Variants in WWC2 observed in about 807,000 individuals in gnomAD.
WWC2 encodes the protein WW and C2 domain containing 2.
Under a neutral mutation model 138.5 loss-of-function variants are expected in WWC2, and 101 were observed. The ratio of observed to expected loss-of-function variants is 0.73; its 90% CI spans 0.62 to 0.86. The LOEUF is 0.86. WWC2 is among the 40% of genes least tolerant of loss of function. WWC2 has a pLI of 0.00. For missense variants in WWC2, 1,420 were observed against 1,419.4 expected (o/e 1.00, Z -0.01); for synonymous variants, 558 against 538.4 (o/e 1.04, Z -0.50).
intron 22 of WWC2, among the ~76,000 whole-genome samples, chr4:183,313,795 C>A (rs988375961): frequency 6.7e-6 from 1 of 150,274 alleles, no homozygotes; most frequent in South Asian, 2.1e-4. Flanking sequence ...GAGCCTGGGG[C>A]AAGAGGGTGG....
intron 9 of WWC2, among the ~76,000 whole-genome samples, chr4:183,254,666 G>T (rs1157838664): frequency 6.6e-6 from 1 of 152,212 alleles, no homozygotes; most frequent in Non-Finnish European, 1.5e-5. Flanking sequence ...ATAAGAGCCT[G>T]GGTCCAGGCC....
chr4:183,148,793 C>T (rs1299867882), intron 1 of WWC2, among the ~76,000 whole-genome samples: 2 of 152,020 alleles, frequency 1.3e-5, no homozygotes, highest in Non-Finnish European at 2.9e-5. Flanking sequence ...CAGGGTGTCC[C>T]GAATGAGTTA....
intron 5 of WWC2, among the ~76,000 whole-genome samples, chr4:183,240,846 G>A (rs754131723): frequency 1.3e-5 from 2 of 152,326 alleles, no homozygotes; most frequent in African/African-American, 2.4e-5. Context: ...TGGCTGGGCC[G>A]TTAGCAGAGC....
At chr4:183,272,017 GGTTAGGTT>G (rs1440196422) in intron 16 of WWC2, among the ~76,000 whole-genome samples, 1 of 151,990 alleles carries the variant, frequency 6.6e-6, no homozygotes, top group Non-Finnish European at 1.5e-5. Context: ...AAAAAATGGG[GGTTAGGTT>G]GTAGCCAGCA....
In WWC2 at chr4:183,289,496, G is replaced by T. The variant is rs139606516; in HGVS notation, c.3245G>T (p.Arg1082Leu). ...CAGGCATCTCTGACCCGGCAGAGCC[G>T]CCTCAATGATGAGCTGCAGGCGCTG... Reference protein sequence around the residue: ...DLQASLTRQSRLNDELQALRD... With the variant: ...DLQASLTRQSLLNDELQALRD... The change falls in exon 21 of 23, where the codon CGC becomes CTC. Residue 1082 changes from arginine to leucine, a missense_variant. Arg to Leu is a moderately radical substitution (Grantham distance 102). Transcript: ENST00000403733. 6.5e-4 allele frequency: 1,056 copies of T among 1,613,710 alleles called. 2 individuals are homozygous for T. The highest frequency in any genetic ancestry group is 8.4e-4 in the Non-Finnish European group (991 of 1,179,832).
intron 1 of WWC2, among the ~76,000 whole-genome samples, chr4:183,170,617 G>C (rs1221586575): frequency 1.3e-5 from 2 of 152,166 alleles, no homozygotes; most frequent in African/African-American, 2.4e-5. Context: ...TTGCATTTCT[G>C]TTGATTTTCA....
chr4:183,136,771 T>G (rs1414919065), intron 1 of WWC2, among the ~76,000 whole-genome samples: 3 of 152,198 alleles, frequency 2.0e-5, no homozygotes, highest in Non-Finnish European at 4.4e-5. Context: ...GTTAGTATAT[T>G]TTATGTATGG....
chr4:183,239,071 T>C (rs545673247), intron 4 of WWC2, among the ~76,000 whole-genome samples: 8 of 152,290 alleles, frequency 5.3e-5, no homozygotes, highest in Admixed American at 3.3e-4. Flanking sequence ...TCCCAGCACT[T>C]TGGGAGGCCG....
chr4:183,147,094 T>C (rs1733483800), intron 1 of WWC2, among the ~76,000 whole-genome samples: 1 of 152,256 alleles, frequency 6.6e-6, no homozygotes, highest in Non-Finnish European at 1.5e-5. Flanking sequence ...ATGTCAATGC[T>C]GCTGGTCCTG....
intron 19 of WWC2, among the ~76,000 whole-genome samples, chr4:183,284,715 C>T (rs1473625730): frequency 6.6e-6 from 1 of 152,162 alleles, no homozygotes; most frequent in Non-Finnish European, 1.5e-5. Context: ...TTTTGAGATA[C>T]ATGTGGTCTG....
chr4:183,206,106 C>A (rs956638175), intron 2 of WWC2, among the ~76,000 whole-genome samples: 3 of 152,034 alleles, frequency 2.0e-5, no homozygotes, highest in African/African-American at 4.8e-5. Context: ...GCACTGCTGT[C>A]CAAAAAGTGC....
chr4:183,148,827 G>A (rs186163815), intron 1 of WWC2, among the ~76,000 whole-genome samples: 1 of 151,718 alleles, frequency 6.6e-6, no homozygotes. Context: ...GTGTAGATGA[G>A]CAATTAGGAA....
intron 15 of WWC2, 55 bp downstream of exon 15, chr4:183,269,218 G>C (rs894192906): frequency 1.3e-6 from 2 of 1,546,428 alleles, no homozygotes; most frequent in East Asian, 2.3e-5. Context: ...GGTGGTCTGA[G>C]GATATACTTT....
intron 15 of WWC2, chr4:183,270,140 CT>C (rs1338276363): frequency 6.6e-6 from 1 of 152,228 alleles, no homozygotes; most frequent in East Asian, 1.9e-4. Context: ...AGAAGCAGAG[CT>C]AACAGACTCG....
intron 4 of WWC2, among the ~76,000 whole-genome samples, chr4:183,228,764 A>G (rs1228232507): frequency 1.3e-5 from 2 of 152,076 alleles, no homozygotes; most frequent in Non-Finnish European, 2.9e-5. Flanking sequence ...GTGTGCATGC[A>G]CACCTGCTAC....
intron 2 of WWC2, among the ~76,000 whole-genome samples, chr4:183,197,907 T>C (rs1735189458): frequency 6.6e-6 from 1 of 152,204 alleles, no homozygotes; most frequent in Non-Finnish European, 1.5e-5. Context: ...CCCTTTCCAG[T>C]CAGCCCTCCC....
chr4:183,226,644 A>G (rs1373717604), intron 4 of WWC2, among the ~76,000 whole-genome samples: 1 of 152,092 alleles, frequency 6.6e-6, no homozygotes, highest in Non-Finnish European at 1.5e-5. Context: ...TAGCTCTGCA[A>G]TATTTAAAAG....
At chr4:183,233,156 T>C in intron 4 of WWC2, among the ~76,000 whole-genome samples, 1 of 128,072 alleles carries the variant, frequency 7.8e-6, no homozygotes, top group South Asian at 2.8e-4. Flanking sequence ...ACCTTTTTTT[T>C]TTTTTTTTTT....
intron 21 of WWC2, among the ~76,000 whole-genome samples, chr4:183,300,266 G>A (rs944537427): frequency 6.6e-6 from 1 of 152,084 alleles, no homozygotes; most frequent in Non-Finnish European, 1.5e-5. Context: ...GATTCGTTGG[G>A]TGAGGGAAAA....
Sources: allele counts gnomAD v4.1 joint callset (sites outside exome capture counted in the v4.1 genomes callset), GRCh38; gene constraint gnomAD v4.1.1; transcripts MANE v1.5; gene names NCBI Gene and HGNC (gene_info 2026-07-23, HGNC 2026-07-21).